Variants in MAGT1 observed in about 807,000 individuals in gnomAD.
MAGT1 encodes magnesium transporter 1, also known as dolichyl-diphosphooligosaccharide--protein glycosyltransferase subunit MAGT1.
In MAGT1, 4 loss-of-function variants were observed where a neutral mutation model predicts 28.4. The observed-to-expected ratio is 0.14, with a 90% confidence interval of 0.07 to 0.32. The LOEUF is 0.32. Ranked by LOEUF, MAGT1 falls within the 10% of genes least tolerant of loss-of-function variation. MAGT1 has a pLI of 1.00. For synonymous variants in MAGT1, 89 were observed against 89.7 expected, an observed-to-expected ratio of 0.99 and a Z score of 0.04; for missense variants, 193 against 264.5, an observed-to-expected ratio of 0.73 and a Z score of 1.88.
intron 6 of MAGT1, 117 bp from the exon 7 acceptor site, chrX:77,854,081 G>T: frequency 1.8e-6 from 1 of 569,319 alleles, no homozygotes; most frequent in Non-Finnish European, 3.1e-6. Flanking sequence ...TAAACCATGT[G>T]ACATACTCCG....
chrX:77,857,839 T>C (rs1268041424), intron 3 of MAGT1, among the ~76,000 whole-genome samples: 2 of 112,243 alleles, frequency 1.8e-5, no homozygotes, highest in African/African-American at 3.2e-5. Context: ...AATAATCTTA[T>C]GTAGCTGAGT....
At chrX:77,865,316 G>A (rs925293747) in intron 3 of MAGT1, among the ~76,000 whole-genome samples, 4 of 110,566 alleles carry the variant, frequency 3.6e-5, no homozygotes, top group Admixed American at 9.8e-5. Flanking sequence ...TTGAGATGGA[G>A]TCTCGCTCTG....
At position 77,841,701 on chromosome X, in the gene MAGT1, G is replaced by A. The variant is rs1236555579; in HGVS notation, c.827-381C>T. 6.7e-5 allele frequency among the ~76,000 whole-genome samples: 7 copies of A among 105,126 alleles called. No individual in the cohort carries two copies. The South Asian group carries it at 2.6e-3, about 39-fold the overall frequency. 91.3% of individuals were successfully genotyped at this position (105,126 alleles called of 115,157 possible). ...TGGCTTTTTTTTTTTTTTGAGACAG[G>A]GTCTGGCTCTGTCACCCAGGCTGGA... On this transcript the variant is annotated intron_variant, in intron 7 of 9. Coordinates refer to ENST00000618282, the MANE Select transcript of MAGT1 (RefSeq NM_001367916.1).
At chrX:77,857,142 C>G (rs1465388730) in intron 4 of MAGT1, among the ~76,000 whole-genome samples, 3 of 111,371 alleles carry the variant, frequency 2.7e-5, no homozygotes, top group Non-Finnish European at 5.7e-5. Flanking sequence ...GACTTAAGGT[C>G]GAAAGAGTGG....
intron 1 of MAGT1, among the ~76,000 whole-genome samples, chrX:77,880,064 C>G (rs1322705595): frequency 8.8e-5 from 9 of 102,725 alleles, no homozygotes; most frequent in African/African-American, 2.8e-4. Flanking sequence ...GTCTTGAACT[C>G]CTGGCCTCAA....
At chrX:77,844,741 T>C (rs1259849126) in intron 7 of MAGT1, among the ~76,000 whole-genome samples, 4 of 111,835 alleles carry the variant, frequency 3.6e-5, no homozygotes, top group African/African-American at 1.3e-4. Flanking sequence ...AGTTTCCATG[T>C]AGTTGAGTGG....
At chrX:77,877,265 G>A (rs2077037939) in intron 1 of MAGT1, among the ~76,000 whole-genome samples, 2 of 110,223 alleles carry the variant, frequency 1.8e-5, no homozygotes, top group African/African-American at 3.3e-5. Context: ...GCCAAGGTGG[G>A]CAGATCACTT....
At chrX:77,865,276 A>G (rs1557216783) in intron 3 of MAGT1, among the ~76,000 whole-genome samples, 1 of 110,986 alleles carries the variant, frequency 9.0e-6, no homozygotes, top group African/African-American at 3.3e-5. Context: ...AGTAGTAACT[A>G]TATTCTTTTA....
At chrX:77,858,572 A>G (rs972721618) in intron 3 of MAGT1, among the ~76,000 whole-genome samples, 1 of 112,234 alleles carries the variant, frequency 8.9e-6, no homozygotes, top group Non-Finnish European at 1.9e-5. Flanking sequence ...TCCTTCTAAC[A>G]GTAAGTTTTC....
chrX:77,840,646 C>T (rs1481156575), intron 8 of MAGT1, among the ~76,000 whole-genome samples: 1 of 111,276 alleles, frequency 9.0e-6, no homozygotes, highest in African/African-American at 3.3e-5. Context: ...GGTTTGAGGC[C>T]AGCCTGGGCA....
At chrX:77,834,152 T>A (rs2076906421) in intron 8 of MAGT1, among the ~76,000 whole-genome samples, 1 of 102,367 alleles carries the variant, frequency 9.8e-6, no homozygotes. Flanking sequence ...GACTTAAATC[T>A]AAGACTGTAC....
chrX:77,888,860 T>C (rs1441344189), intron 1 of MAGT1, among the ~76,000 whole-genome samples: 2 of 111,775 alleles, frequency 1.8e-5, no homozygotes, highest in Non-Finnish European at 3.8e-5. Flanking sequence ...ATGCATTGCA[T>C]AATAATCACA....
chrX:77,874,394 G>A (rs2077027711), intron 2 of MAGT1, among the ~76,000 whole-genome samples: 3 of 106,793 alleles, frequency 2.8e-5, no homozygotes, highest in African/African-American at 6.8e-5. Flanking sequence ...TCAAAAGATC[G>A]AGTCCATCCT....
chrX:77,829,107 T>C lies in MAGT1; in HGVS notation c.*113A>G, dbSNP rs781941356. 3.2e-6 allele frequency: 2 copies of C among 633,256 alleles called. No individual in the cohort carries two copies. Among genetic ancestry groups the C allele is most frequent in the Non-Finnish European group, 5.2e-6 (2 of 384,270 alleles). 52.2% of individuals were successfully genotyped at this position (633,256 alleles called of 1,213,427 possible). A position where few individuals can be genotyped will look rare whatever the true frequency, so the allele number is the denominator to read the frequency against. ...TTAAATGATTAACTATTTAAATCACTTGAAAAAAAGAGGTAATACAAAATA... is the reference window on the plus strand; with the variant it reads ...TTAAATGATTAACTATTTAAATCACCTGAAAAAAAGAGGTAATACAAAATA... On this transcript the variant is annotated 3_prime_UTR_variant, in exon 10 of 10. Transcript: ENST00000618282.
chrX:77,880,040 T>C (rs1444257308), intron 1 of MAGT1, among the ~76,000 whole-genome samples: 2 of 103,715 alleles, frequency 1.9e-5, no homozygotes, highest in African/African-American at 7.0e-5. Context: ...GGTTTGACCA[T>C]GTTGGCCAGG....
Position 77,875,664 on chromosome X carries a change from G to A in MAGT1, c.103-67C>T, listed in dbSNP as rs1192209550. Reference sequence around the variant, plus strand: ...TGGCATTTAAAGTTCTTTTAATGAGGCAGCTTACTTAAAACCAATACTAAC... The same window carrying A: ...TGGCATTTAAAGTTCTTTTAATGAGACAGCTTACTTAAAACCAATACTAAC... On this transcript the variant is annotated intron_variant, in intron 1 of 9. Transcript: ENST00000618282. 6.4e-6 allele frequency: 7 copies of A among 1,086,213 alleles called. No individual in the cohort carries two copies. The Admixed American group carries it at 8.9e-5, about 14-fold the overall frequency. The allele number at this position is 1,086,213 out of a possible 1,213,427, so 89.5% of individuals were successfully genotyped here. A position where few individuals can be genotyped will look rare whatever the true frequency, so the allele number is the denominator to read the frequency against.
Position 77,844,961 on chromosome X carries a change from C to T in MAGT1, c.827-3641G>A, listed in dbSNP as rs1237009342. ...GAGTTCTGTAGATGTCTATTAGGTC[C>T]GCTTGGTGCAGAGCTGAGTTCAATT... On this transcript the variant is annotated intron_variant, in intron 7 of 9. Transcript: ENST00000618282. Among the ~76,000 whole-genome samples, 12 of 110,882 alleles carry T rather than the reference C, an allele frequency of 1.1e-4. No individual in the cohort carries two copies. The South Asian group carries it at 1.1e-3, about 11-fold the overall frequency.
chrX:77,895,420 T>A lies in MAGT1; in HGVS notation c.-10A>T, dbSNP rs1171559934. The A allele has an allele frequency of 3.3e-6, 4 of 1,210,141 alleles. No individual in the cohort carries two copies. In the Admixed American group the frequency reaches 8.7e-5, roughly 26 times the overall value. On this transcript the variant is annotated 5_prime_UTR_variant, in exon 1 of 10. Coordinates refer to ENST00000618282, the MANE Select transcript of MAGT1 (RefSeq NM_001367916.1). ...GCCAACGCGCTGCCATGTTCGCTCC[T>A]CTCCCTTCTATAAGTGAAACTTTGC...
At chrX:77,862,127 T>C (rs2076996279) in intron 3 of MAGT1, among the ~76,000 whole-genome samples, 1 of 111,461 alleles carries the variant, frequency 9.0e-6, no homozygotes, top group Non-Finnish European at 1.9e-5. Context: ...CAAAATAAGA[T>C]ACACTATTTT....
Sources: gnomAD v4.1 joint callset for allele counts (sites outside exome capture counted in the v4.1 genomes callset) on GRCh38, gnomAD v4.1.1 for gene constraint, MANE v1.5 for transcripts, NCBI Gene and HGNC (gene_info 2026-07-23, HGNC 2026-07-21) for gene names.